The following MDH2 variants were observed in gnomAD, a reference collection of about 807,000 sequenced individuals.
MDH2 encodes malate dehydrogenase 2.
Under a neutral mutation model 33.6 loss-of-function variants are expected in MDH2, and 25 were observed. That is an observed-to-expected ratio of 0.74 (90% confidence interval 0.54 to 1.04). MDH2 has a LOEUF of 1.04. MDH2 is among the 50% of genes least tolerant of loss of function. The pLI is 0.00. For synonymous variants in MDH2, 193 were observed against 188.7 expected (o/e 1.02, Z -0.19); for missense variants, 432 against 445.0 (o/e 0.97, Z 0.26).
At chr7:76,055,830 A>ATT (rs34519552) in intron 2 of MDH2, among the ~76,000 whole-genome samples, 2,743 of 141,910 alleles carry the variant, frequency 0.019, 91 homozygotes, top group East Asian at 0.15. Context: ...ATGTCACCAA[A>ATT]TTTTTTTTTT....
At chr7:76,056,831 G>T (rs1797800144) in intron 2 of MDH2, among the ~76,000 whole-genome samples, 1 of 152,024 alleles carries the variant, frequency 6.6e-6, no homozygotes. Context: ...TTGCCAACCT[G>T]GTGAAACCCC....
intron 1 of MDH2, among the ~76,000 whole-genome samples, chr7:76,053,448 C>T (rs1245838665): frequency 6.6e-6 from 1 of 152,164 alleles, no homozygotes; most frequent in Non-Finnish European, 1.5e-5. Context: ...AGTTTCCAGG[C>T]AGCCAGGGGT....
In MDH2 at chr7:76,048,493, G is replaced by C. The variant is rs1416452441; in HGVS notation, c.66+267G>C. On this transcript the variant is annotated intron_variant, in intron 1 of 8. Transcript: ENST00000315758. ...CCCCAGGTCTCCCAGATTTCCCAGA[G>C]GACCTGCTCTTGGCTTGCACGCCTT... The C allele has an allele frequency of 3.1e-6, 4 of 1,295,398 alleles. No homozygotes were observed. The African/African-American group carries it at 6.3e-5, about 20-fold the overall frequency. 80.2% of individuals were successfully genotyped at this position (1,295,398 alleles called of 1,614,324 possible). A position where few individuals can be genotyped will look rare whatever the true frequency, so the allele number is the denominator to read the frequency against.
At chr7:76,059,558 CT>C (rs545021036) in intron 4 of MDH2, among the ~76,000 whole-genome samples, 5 of 152,222 alleles carry the variant, frequency 3.3e-5, no homozygotes, top group Admixed American at 6.5e-5. Flanking sequence ...CCTGCAGGGC[CT>C]TGTGCTCATT....
chr7:76,048,597 C>T lies in MDH2; in HGVS notation c.66+371C>T, dbSNP rs1180728364. On this transcript the variant is annotated intron_variant, in intron 1 of 8. Transcript: ENST00000315758. ...GCAGCGTTCCATTGCTTTGACGTAG[C>T]TAATCTCCTTGCAGCATCCGTGTGA... is the stretch of plus-strand genomic sequence containing the variant. 8.5e-6 allele frequency: 11 copies of T among 1,300,474 alleles called. No homozygotes were observed. The East Asian group carries it at 2.2e-4, about 26-fold the overall frequency. The allele number at this position is 1,300,474 out of a possible 1,614,324, so 80.6% of individuals were successfully genotyped here.
intron 6 of MDH2, among the ~76,000 whole-genome samples, chr7:76,063,906 C>T (rs1798021168): frequency 6.6e-6 from 1 of 152,116 alleles, no homozygotes; most frequent in African/African-American, 2.4e-5. Context: ...CACAGTGGCT[C>T]ATACCTGTAA....
At chr7:76,050,125 C>A (rs1797573506) in intron 1 of MDH2, among the ~76,000 whole-genome samples, 1 of 152,082 alleles carries the variant, frequency 6.6e-6, no homozygotes, top group Non-Finnish European at 1.5e-5. Flanking sequence ...AACTCTTGGG[C>A]TCAAGCTATC....
intron 5 of MDH2, among the ~76,000 whole-genome samples, chr7:76,060,926 G>A (rs1797928504): frequency 6.6e-6 from 1 of 151,998 alleles, no homozygotes; most frequent in East Asian, 1.9e-4. Context: ...GAAAGTGCCA[G>A]AAGTCCTGAG....
At chr7:76,049,901 G>A (rs974714469) in intron 1 of MDH2, among the ~76,000 whole-genome samples, 3 of 152,104 alleles carry the variant, frequency 2.0e-5, no homozygotes, top group Non-Finnish European at 4.4e-5. Flanking sequence ...GCGTGATCTC[G>A]GTTCACTGCA....
intron 8 of MDH2, 145 bp downstream of exon 8, chr7:76,065,098 ACCCG>A: frequency 3.2e-6 from 3 of 932,326 alleles, no homozygotes; most frequent in South Asian, 3.4e-5. Context: ...GTGGACGCAC[ACCCG>A]AGAAAAAAGA....
chr7:76,050,744 A>G (rs1284588058), intron 1 of MDH2, among the ~76,000 whole-genome samples: 1 of 152,152 alleles, frequency 6.6e-6, no homozygotes, highest in Non-Finnish European at 1.5e-5. Context: ...GTATTCATTG[A>G]TGGTACCAGA....
chr7:76,049,287 A>G (rs546842705), intron 1 of MDH2, among the ~76,000 whole-genome samples: 38 of 152,156 alleles, frequency 2.5e-4, no homozygotes, highest in African/African-American at 8.7e-4. Flanking sequence ...CCCACAGGCA[A>G]CCCCATTGTA....
At chr7:76,057,726 C>G (rs1797824797) in intron 3 of MDH2, among the ~76,000 whole-genome samples, 2 of 152,194 alleles carry the variant, frequency 1.3e-5, no homozygotes, top group Non-Finnish European at 2.9e-5. Context: ...CAGTCCCACT[C>G]TACCTTGGGG....
chr7:76,063,607 C>A lies in MDH2; in HGVS notation c.633+15C>A. ...TGATCTCTCAGGTACACGCATATGACCCTGTGAGGGGCTTCGAGGTCAGGA... is the reference window on the plus strand; with the variant it reads ...TGATCTCTCAGGTACACGCATATGAACCTGTGAGGGGCTTCGAGGTCAGGA... On this transcript the variant is annotated intron_variant, in intron 6 of 8. Transcript: ENST00000315758. The A allele has an allele frequency of 6.2e-7, 1 of 1,611,810 alleles. No individual in the cohort carries two copies. The highest frequency in any genetic ancestry group is 8.5e-7 in the Non-Finnish European group (1 of 1,177,878).
intron 5 of MDH2, 45 bp from the exon 6 acceptor site, chr7:76,063,470 T>C: frequency 1.3e-6 from 2 of 1,584,304 alleles, no homozygotes; most frequent in Non-Finnish European, 8.7e-7. Context: ...TGTTTTACAG[T>C]GAAAGAGCTT....
chr7:76,066,534 C>G lies in MDH2; in HGVS notation c.*124C>G. On this transcript the variant is annotated 3_prime_UTR_variant, in exon 9 of 9. Transcript: ENST00000315758. ...TGATTACTGTATTGACATCATCATG[C>G]CTTCCAAATTGTGGGTGGCTCTGTG... 1 of 1,222,740 alleles carries G rather than the reference C, an allele frequency of 8.2e-7. No homozygotes were observed. The highest frequency in any genetic ancestry group is 1.1e-6 in the Non-Finnish European group (1 of 931,476). The allele number at this position is 1,222,740 out of a possible 1,614,324, so 75.7% of individuals were successfully genotyped here. A position where few individuals can be genotyped will look rare whatever the true frequency, so the allele number is the denominator to read the frequency against.
At chr7:76,050,587 T>C (rs1189461228) in intron 1 of MDH2, among the ~76,000 whole-genome samples, 4 of 152,148 alleles carry the variant, frequency 2.6e-5, no homozygotes, top group African/African-American at 9.7e-5. Context: ...TTCTCAGAAA[T>C]GGGGCGGCCA....
chr7:76,054,592 G>T, intron 1 of MDH2: 1 of 511,168 alleles, frequency 2.0e-6, no homozygotes, highest in Middle Eastern at 5.2e-4. Context: ...TTTCAGGAGG[G>T]TTTTGAAGTA....
At chr7:76,048,404 G>A (rs1797405616) in intron 1 of MDH2, 178 bp downstream of exon 1, 3 of 1,162,590 alleles carry the variant, frequency 2.6e-6, no homozygotes, top group South Asian at 3.4e-5. Flanking sequence ...AGGTGCGGGG[G>A]AGAAAGCCGG....
Sources: allele counts gnomAD v4.1 joint callset (sites outside exome capture counted in the v4.1 genomes callset), GRCh38; gene constraint gnomAD v4.1.1; transcripts MANE v1.5; gene names NCBI Gene and HGNC (gene_info 2026-07-23, HGNC 2026-07-21).